Variants in MANBA observed in about 807,000 individuals in gnomAD.
The protein encoded by MANBA is beta-mannosidase.
A neutral mutation model predicts 111.1 loss-of-function variants in MANBA; 83 were observed. That is an observed-to-expected ratio of 0.75 (90% confidence interval 0.63 to 0.90). The LOEUF is 0.90. Among genes scored for constraint, MANBA ranks in the 40% least tolerant of loss-of-function variants. The pLI is 0.00. For synonymous variants in MANBA, 370 were observed against 378.7 expected (o/e 0.98, Z 0.27); for missense variants, 1,036 against 1,069.0 (o/e 0.97, Z 0.43).
chr4:102,657,223 G>GGGT (rs1730597003), intron 12 of MANBA, among the ~76,000 whole-genome samples: 1 of 40,364 alleles, frequency 2.5e-5, no homozygotes, highest in Admixed American at 2.0e-4. Context: ...GGAGTGGGGT[G>GGGT]GGGGGGGGGT....
At chr4:102,760,207 T>C (rs1724187288) in intron 1 of MANBA, among the ~76,000 whole-genome samples, 1 of 152,336 alleles carries the variant, frequency 6.6e-6, no homozygotes, top group East Asian at 1.9e-4. Context: ...AACCCAACTT[T>C]ACTCTTGTAG....
chr4:102,759,908 C>T (rs1359696703), intron 1 of MANBA, among the ~76,000 whole-genome samples: 1 of 152,156 alleles, frequency 6.6e-6, no homozygotes, highest in Non-Finnish European at 1.5e-5. Flanking sequence ...ATGCATCCCA[C>T]AAGTAGATCA....
chr4:102,700,847 T>A (rs115178895), intron 5 of MANBA, among the ~76,000 whole-genome samples: 1,872 of 152,298 alleles, frequency 0.012, 12 homozygotes, highest in African/African-American at 0.024. Context: ...TGATATAGGG[T>A]AGAGAGTTCT....
At chr4:102,735,722 A>T (rs1723194884) in intron 1 of MANBA, among the ~76,000 whole-genome samples, 1 of 152,304 alleles carries the variant, frequency 6.6e-6, no homozygotes, top group Admixed American at 6.5e-5. Context: ...GTTGTTAAGC[A>T]AACCCATGAA....
At position 102,722,398 on chromosome 4, in the gene MANBA, A is replaced by G. The variant is rs1722618075; in HGVS notation, c.549+473T>C. On this transcript the variant is annotated intron_variant, in intron 4 of 16. Transcript: ENST00000647097. The stretch of plus-strand genomic sequence containing the variant: ...ATCCAAGTCCTCTTAGACTGGAATC[A>G]TACTCTAAGAAAAATAATTACTTTT... 3 of 188,290 alleles carry G rather than the reference A, an allele frequency of 1.6e-5. No individual in the cohort carries two copies. In the South Asian group the frequency reaches 3.0e-4, roughly 19 times the overall value. The allele number at this position is 188,290 out of a possible 1,614,324, so 11.7% of individuals were successfully genotyped here. A position where few individuals can be genotyped will look rare whatever the true frequency, so the allele number is the denominator to read the frequency against.
intron 5 of MANBA, among the ~76,000 whole-genome samples, chr4:102,693,140 G>A (rs1381139988): frequency 6.6e-6 from 1 of 152,158 alleles, no homozygotes; most frequent in Non-Finnish European, 1.5e-5. Flanking sequence ...AGTTAATTTT[G>A]CAGGTTACTT....
At chr4:102,704,279 G>A (rs1476104149) in intron 5 of MANBA, among the ~76,000 whole-genome samples, 3 of 151,992 alleles carry the variant, frequency 2.0e-5, no homozygotes, top group Admixed American at 6.6e-5. Context: ...TTTATTGGGC[G>A]GTTATAATCC....
chr4:102,703,955 C>T (rs549790935), intron 5 of MANBA, among the ~76,000 whole-genome samples: 1 of 152,018 alleles, frequency 6.6e-6, no homozygotes, highest in East Asian at 1.9e-4. Flanking sequence ...ATAAGCCAGG[C>T]GTGGTGTCGA....
chr4:102,753,928 TGGGA>T, intron 1 of MANBA: 1 of 436,320 alleles, frequency 2.3e-6, no homozygotes, highest in Non-Finnish European at 4.6e-6. Flanking sequence ...CGCTTGAACC[TGGGA>T]GGCAGAGAAT....
intron 1 of MANBA, chr4:102,730,554 G>A (rs1409763442): frequency 8.4e-5 from 45 of 534,698 alleles, no homozygotes; most frequent in South Asian, 5.2e-4. Flanking sequence ...AATAAGGCAA[G>A]ACGTAATTTA....
At chr4:102,632,305 ATGAAG>A in intron 16 of MANBA, 24 bp from the exon 17 acceptor site, 1 of 1,510,418 alleles carries the variant, frequency 6.6e-7, no homozygotes, top group Non-Finnish European at 9.2e-7. Context: ...AAAAAAATGA[ATGAAG>A]TGAAGGATGA....
intron 5 of MANBA, among the ~76,000 whole-genome samples, chr4:102,706,520 G>T (rs1733304481): frequency 6.6e-6 from 1 of 152,132 alleles, no homozygotes; most frequent in African/African-American, 2.4e-5. Context: ...CAGATGCGTG[G>T]ATATAAACAT....
At chr4:102,658,921 A>C (rs72936944) in intron 11 of MANBA, 6 of 152,196 alleles carry the variant, frequency 3.9e-5, no homozygotes, top group Admixed American at 2.0e-4. Flanking sequence ...AGAACTCAAA[A>C]TATAGTTACT....
intron 1 of MANBA, chr4:102,730,654 T>A (rs979265840): frequency 4.8e-5 from 26 of 540,368 alleles, no homozygotes; most frequent in African/African-American, 4.6e-4. Context: ...AGTAGTCAGC[T>A]CAGTGCTCGT....
chr4:102,699,813 A>T (rs1314811808), intron 5 of MANBA, among the ~76,000 whole-genome samples: 1 of 150,546 alleles, frequency 6.6e-6, no homozygotes, highest in Non-Finnish European at 1.5e-5. Flanking sequence ...ATGGGTCTAA[A>T]ATTCTCTTTT....
chr4:102,724,452 G>C lies in MANBA; in HGVS notation c.273-485C>G, dbSNP rs930991191. On this transcript the variant is annotated intron_variant, in intron 2 of 16. Transcript: ENST00000647097. ...CGGGTGCCTGTAATCCAAGCTACTA[G>C]GGAGGCTGAGGCAGGAGAAACACTT... is the stretch of plus-strand genomic sequence containing the variant. 4.0e-5 allele frequency among the ~76,000 whole-genome samples: 6 copies of C among 151,748 alleles called. No individual in the cohort carries two copies. In the South Asian group the frequency reaches 1.2e-3, roughly 32 times the overall value.
At chr4:102,728,567 C>G (rs1388630726) in intron 1 of MANBA, 3 of 403,838 alleles carry the variant, frequency 7.4e-6, no homozygotes, top group Non-Finnish European at 1.4e-5. Context: ...AAAAAAAAAG[C>G]AATTGAATTG....
chr4:102,752,963 G>T (rs1723865743), intron 1 of MANBA, among the ~76,000 whole-genome samples: 1 of 152,124 alleles, frequency 6.6e-6, no homozygotes, highest in Non-Finnish European at 1.5e-5. Flanking sequence ...TGCATGTGAA[G>T]AATATAAGGT....
chr4:102,659,435 G>C (rs1032231689), intron 11 of MANBA, among the ~76,000 whole-genome samples: 4 of 151,682 alleles, frequency 2.6e-5, no homozygotes, highest in African/African-American at 9.7e-5. Context: ...TTTCTATTCT[G>C]CTATTAAGAA....
Sources: gnomAD v4.1 joint callset for allele counts (sites outside exome capture counted in the v4.1 genomes callset) on GRCh38, gnomAD v4.1.1 for gene constraint, MANE v1.5 for transcripts, NCBI Gene and HGNC (gene_info 2026-07-23, HGNC 2026-07-21) for gene names.